USP13: variants seen among roughly 807,000 people sequenced by gnomAD.
The protein encoded by USP13 is ubiquitin specific peptidase 13.
In USP13, 68 loss-of-function variants were observed where a neutral mutation model predicts 107.8. The ratio of observed to expected loss-of-function variants is 0.63; its 90% confidence interval spans 0.52 to 0.77. The LOEUF is 0.77. Ranked by LOEUF, USP13 falls within the 30% of genes least tolerant of loss-of-function variation. The pLI, the probability that USP13 is intolerant of heterozygous loss-of-function variation, is 0.00. For synonymous variants in USP13, 377 were observed against 389.5 expected (o/e 0.97, Z 0.38); for missense variants, 945 against 1,093.3 (o/e 0.86, Z 1.91).
rs190597834 is a variant in USP13 at position 179,736,090 on chromosome 3, A to G, written c.1255-4157A>G. Among the ~76,000 whole-genome samples the G allele has an allele frequency of 2.7e-3, 415 of 152,304 alleles. 2 individuals are homozygous for G. The highest frequency in any genetic ancestry group is 9.6e-3 in the African/African-American group (399 of 41,576). On this transcript the variant is annotated intron_variant, in intron 10 of 20. Transcript: ENST00000263966. ...AAGCACAGCAGCAAAATTAACAACC[A>G]TCCCTTAGTATCACGAATACCTAGT...
At chr3:179,671,536 A>G (rs1720749930) in intron 1 of USP13, among the ~76,000 whole-genome samples, 1 of 152,186 alleles carries the variant, frequency 6.6e-6, no homozygotes, top group Non-Finnish European at 1.5e-5. Flanking sequence ...ATAACATCAT[A>G]CACAGTGTTT....
Position 179,701,050 on chromosome 3 carries a change from A to T in USP13, c.398A>T (p.Tyr133Phe). Residue 133 changes from tyrosine to phenylalanine, a missense_variant, in exon 4 of 21, where the codon TAT (tyrosine) becomes TTT (phenylalanine). Physicochemically the swap from Tyr to Phe is conservative, Grantham distance 22. Coordinates refer to ENST00000263966, the MANE Select transcript of USP13 (RefSeq NM_003940.3). ...DDDLNSDDYEYEDEAKLVIFP... is the reference protein window; with the variant it reads ...DDDLNSDDYEFEDEAKLVIFP... ...GATTTAAATAGCGACGATTATGAAT[A>T]TGAAGATGAAGCCAAACTTGTTATA... The T allele has an allele frequency of 6.2e-7, 1 of 1,614,070 alleles. No homozygotes were observed.
At chr3:179,693,375 A>G (rs983849217) in intron 3 of USP13, among the ~76,000 whole-genome samples, 1 of 152,150 alleles carries the variant, frequency 6.6e-6, no homozygotes, top group Non-Finnish European at 1.5e-5. Context: ...CTGGTCTTGA[A>G]CTTCTATGCT....
chr3:179,777,899 A>T (rs1185583021), intron 19 of USP13, among the ~76,000 whole-genome samples: 1 of 152,168 alleles, frequency 6.6e-6, no homozygotes, highest in East Asian at 1.9e-4. Flanking sequence ...AAACACAAGG[A>T]TCTCAGCTCA....
intron 13 of USP13, among the ~76,000 whole-genome samples, chr3:179,750,302 G>GTATATATATATATATATATA (rs1456279754): frequency 9.0e-6 from 1 of 111,050 alleles, no homozygotes; most frequent in African/African-American, 3.2e-5. Flanking sequence ...ATATATGTGT[G>GTATATATATATATATATATA]TGTATATATA....
intron 1 of USP13, among the ~76,000 whole-genome samples, chr3:179,679,394 T>G (rs534318138): frequency 2.0e-5 from 3 of 152,184 alleles, no homozygotes; most frequent in Non-Finnish European, 4.4e-5. Context: ...TCTACTGAAA[T>G]GCACTGTAAG....
intron 19 of USP13, among the ~76,000 whole-genome samples, chr3:179,781,322 C>A (rs1257467449): frequency 6.6e-6 from 1 of 152,126 alleles, no homozygotes; most frequent in Non-Finnish European, 1.5e-5. Flanking sequence ...TTTTATACAA[C>A]CCTGCGAAGT....
intron 19 of USP13, among the ~76,000 whole-genome samples, chr3:179,769,463 A>C (rs1355532557): frequency 1.3e-5 from 2 of 152,338 alleles, no homozygotes; most frequent in Middle Eastern, 3.4e-3. Flanking sequence ...GCTGGAGTGC[A>C]GTGGCATGAT....
intron 8 of USP13, among the ~76,000 whole-genome samples, chr3:179,728,265 C>T (rs1344458859): frequency 1.0e-4 from 15 of 148,678 alleles, no homozygotes; most frequent in African/African-American, 3.0e-4. Context: ...ACTTCCCAGA[C>T]GGGGCAGTTG....
intron 10 of USP13, among the ~76,000 whole-genome samples, chr3:179,738,139 A>G (rs1481213521): frequency 1.3e-5 from 2 of 152,208 alleles, no homozygotes; most frequent in African/African-American, 4.8e-5. Flanking sequence ...CATGGCCTCC[A>G]CCGCAAAGGC....
intron 3 of USP13, among the ~76,000 whole-genome samples, chr3:179,698,470 A>G (rs1239741031): frequency 2.6e-5 from 4 of 151,176 alleles, no homozygotes; most frequent in Non-Finnish European, 2.9e-5. Context: ...CTAGGGTTAC[A>G]TAGCTAGTAA....
chr3:179,736,746 A>G (rs1172530710), intron 10 of USP13, among the ~76,000 whole-genome samples: 1 of 152,216 alleles, frequency 6.6e-6, no homozygotes, highest in Non-Finnish European at 1.5e-5. Context: ...CTGAATTTCT[A>G]GTGTTTCCCA....
intron 1 of USP13, among the ~76,000 whole-genome samples, chr3:179,676,207 G>T (rs1209889597): frequency 6.6e-6 from 1 of 152,160 alleles, no homozygotes; most frequent in Non-Finnish European, 1.5e-5. Flanking sequence ...TCCCAGCCAT[G>T]CGGAACTGTG....
chr3:179,689,127 C>T (rs1409904466), intron 2 of USP13, among the ~76,000 whole-genome samples: 2 of 152,130 alleles, frequency 1.3e-5, no homozygotes, highest in Non-Finnish European at 1.5e-5. Flanking sequence ...AGCAAGGTCT[C>T]GACACCTGTG....
intron 14 of USP13, 138 bp downstream of exon 14, chr3:179,752,511 C>A: frequency 2.8e-6 from 2 of 713,488 alleles, no homozygotes; most frequent in South Asian, 3.6e-5. Flanking sequence ...TGTTTTGAAT[C>A]AGAGTATATG....
chr3:179,748,813 C>A (rs951807406), intron 13 of USP13, among the ~76,000 whole-genome samples: 2 of 152,142 alleles, frequency 1.3e-5, no homozygotes, highest in Non-Finnish European at 2.9e-5. Flanking sequence ...TGTTTGAATG[C>A]CCAGTCTAGA....
At chr3:179,740,194 G>C (rs1365896319) in intron 10 of USP13, 53 bp from the exon 11 acceptor site, 38 of 1,606,550 alleles carry the variant, frequency 2.4e-5, no homozygotes, top group Non-Finnish European at 3.2e-5. Flanking sequence ...TGCCGCTTAG[G>C]GCTGTTAATT....
chr3:179,740,188 G>T (rs1302974924), intron 10 of USP13, 59 bp from the exon 11 acceptor site: 1 of 1,603,956 alleles, frequency 6.2e-7, no homozygotes. Flanking sequence ...TCTGCTTGCC[G>T]CTTAGGGCTG....
At chr3:179,762,839 A>G (rs1185009538) in intron 17 of USP13, among the ~76,000 whole-genome samples, 1 of 152,124 alleles carries the variant, frequency 6.6e-6, no homozygotes, top group Non-Finnish European at 1.5e-5. Context: ...TGGCTGAACC[A>G]TTTTACATTT....
Sources: gnomAD v4.1 joint callset for allele counts (sites outside exome capture counted in the v4.1 genomes callset) on GRCh38, gnomAD v4.1.1 for gene constraint, MANE v1.5 for transcripts, NCBI Gene and HGNC (gene_info 2026-07-23, HGNC 2026-07-21) for gene names.